PARD3: variants seen among roughly 807,000 people sequenced by gnomAD.
The protein encoded by PARD3 is partitioning defective 3 homolog.
Under a neutral mutation model 155.4 loss-of-function variants are expected in PARD3, and 75 were observed. That is an observed-to-expected ratio of 0.48 (90% CI 0.40 to 0.58). The LOEUF (loss-of-function observed/expected upper bound fraction) is 0.58. PARD3 is among the 20% of genes least tolerant of loss of function. The probability of loss-of-function intolerance (pLI) is 0.00; values close to 1 mark genes in which losing one functional copy is unlikely to be tolerated. For synonymous variants in PARD3, 576 were observed against 610.5 expected (o/e 0.94, Z 0.83); for missense variants, 1,642 against 1,721.7 (o/e 0.95, Z 0.82).
At chr10:34,471,422 T>G (rs1437297689) in intron 3 of PARD3, among the ~76,000 whole-genome samples, 2 of 152,194 alleles carry the variant, frequency 1.3e-5, no homozygotes, top group African/African-American at 4.8e-5. Flanking sequence ...CAATCAGAAC[T>G]AAAAGTTCCA....
chr10:34,508,254 A>G (rs1396133010), intron 3 of PARD3, among the ~76,000 whole-genome samples: 2 of 152,238 alleles, frequency 1.3e-5, no homozygotes, highest in Admixed American at 1.3e-4. Context: ...TAAAATTAAC[A>G]TAGCTAATAA....
At chr10:34,753,045 CTCCTTAATGCACTTCAG>C in intron 1 of PARD3, among the ~76,000 whole-genome samples, 1 of 152,230 alleles carries the variant, frequency 6.6e-6, no homozygotes, top group Admixed American at 6.5e-5. Context: ...CTAAAGCCTC[CTCCTTAATGCACTTCAG>C]TCATCTCAGC....
intron 1 of PARD3, among the ~76,000 whole-genome samples, chr10:34,807,108 G>A (rs1843500297): frequency 6.6e-6 from 1 of 152,186 alleles, no homozygotes; most frequent in Non-Finnish European, 1.5e-5. Context: ...CCTTAGAGGG[G>A]GTAGGGGGTA....
intron 1 of PARD3, among the ~76,000 whole-genome samples, chr10:34,725,009 TTAACC>T (rs959175454): frequency 3.3e-5 from 5 of 152,158 alleles, no homozygotes; most frequent in Admixed American, 3.3e-4. Flanking sequence ...AGCAAATGAC[TTAACC>T]TCTCTCTGCC....
intron 22 of PARD3, among the ~76,000 whole-genome samples, chr10:34,201,686 C>T (rs1479641863): frequency 6.6e-6 from 1 of 151,706 alleles, no homozygotes; most frequent in Admixed American, 6.6e-5. Flanking sequence ...GTTGTTCACC[C>T]AAAAAAGCAA....
chr10:34,252,436 C>T (rs750508584), intron 22 of PARD3, among the ~76,000 whole-genome samples: 26 of 152,166 alleles, frequency 1.7e-4, no homozygotes, highest in African/African-American at 3.6e-4. Flanking sequence ...GGAAGCCACA[C>T]AGGCAAACTT....
At chr10:34,346,167 CA>C in intron 15 of PARD3, 5 of 1,098,836 alleles carry the variant, frequency 4.6e-6, no homozygotes, top group Non-Finnish European at 4.5e-6. Flanking sequence ...ACATATCTAG[CA>C]GAAGGAAGAG....
chr10:34,198,952 T>C (rs982271375), intron 22 of PARD3, among the ~76,000 whole-genome samples: 1 of 152,180 alleles, frequency 6.6e-6, no homozygotes, highest in African/African-American at 2.4e-5. Context: ...GAGTTGCTTT[T>C]CAGTTGCCAT....
chr10:34,718,809 C>T (rs570042010), intron 1 of PARD3, among the ~76,000 whole-genome samples: 2 of 151,950 alleles, frequency 1.3e-5, no homozygotes, highest in East Asian at 1.9e-4. Context: ...CTAAAAAATA[C>T]AAAAATTAGC....
intron 2 of PARD3, among the ~76,000 whole-genome samples, chr10:34,545,785 T>A (rs574126524): frequency 1.3e-5 from 2 of 152,322 alleles, no homozygotes; most frequent in East Asian, 3.9e-4. Context: ...CTCGAACTTC[T>A]GACCTCAGGC....
chr10:34,292,553 G>A (rs1214979924), intron 20 of PARD3, among the ~76,000 whole-genome samples: 7 of 152,292 alleles, frequency 4.6e-5, no homozygotes, highest in Middle Eastern at 3.4e-3. Context: ...ACAGGATGCT[G>A]TTTTAAGTTG....
At chr10:34,733,489 T>C (rs185560080) in intron 1 of PARD3, among the ~76,000 whole-genome samples, 56 of 152,302 alleles carry the variant, frequency 3.7e-4, no homozygotes, top group African/African-American at 1.3e-3. Context: ...TAGAGTTTTG[T>C]TTTGTTTCTT....
chr10:34,344,346 G>A (rs978155230), intron 15 of PARD3: 20 of 890,172 alleles, frequency 2.2e-5, no homozygotes, highest in Middle Eastern at 5.9e-4. Context: ...GCTGTGGTAC[G>A]ATTTCAGCTC....
chr10:34,405,620 A>G (rs1589451286), intron 5 of PARD3, among the ~76,000 whole-genome samples: 1 of 152,180 alleles, frequency 6.6e-6, no homozygotes, highest in Non-Finnish European at 1.5e-5. Context: ...GAGAAAGTAG[A>G]TGTAAAAAAA....
intron 22 of PARD3, among the ~76,000 whole-genome samples, chr10:34,214,824 T>G (rs1951923613): frequency 6.6e-6 from 1 of 152,038 alleles, no homozygotes; most frequent in African/African-American, 2.4e-5. Flanking sequence ...GTCAAGACAT[T>G]TCAGTAAAGA....
At chr10:34,431,815 C>T (rs1433413728) in intron 5 of PARD3, among the ~76,000 whole-genome samples, 5 of 143,230 alleles carry the variant, frequency 3.5e-5, no homozygotes, top group African/African-American at 1.0e-4. Flanking sequence ...TTTGGGAGGC[C>T]GAGGCGGGTG....
At chr10:34,190,869 T>C (rs1057498635) in intron 22 of PARD3, among the ~76,000 whole-genome samples, 1 of 151,798 alleles carries the variant, frequency 6.6e-6, no homozygotes, top group Admixed American at 6.6e-5. Flanking sequence ...AAACAGCATA[T>C]GCAAAGGCAC....
chr10:34,655,852 GGAAT>G (rs1415433194), intron 2 of PARD3, among the ~76,000 whole-genome samples: 1 of 152,092 alleles, frequency 6.6e-6, no homozygotes, highest in Non-Finnish European at 1.5e-5. Flanking sequence ...CCACAAAATG[GGAAT>G]GAATGAAGTC....
At chr10:34,419,036 A>G (rs1054464981) in intron 5 of PARD3, among the ~76,000 whole-genome samples, 2 of 152,128 alleles carry the variant, frequency 1.3e-5, no homozygotes, top group South Asian at 4.1e-4. Context: ...TAAGCCTCCC[A>G]AAGTGCTGGG....
Sources: gnomAD v4.1 joint callset for allele counts (sites outside exome capture counted in the v4.1 genomes callset) on GRCh38, gnomAD v4.1.1 for gene constraint, MANE v1.5 for transcripts, NCBI Gene and HGNC (gene_info 2026-07-23, HGNC 2026-07-21) for gene names.